ZFYVE28: variants seen among roughly 807,000 people sequenced by gnomAD.
ZFYVE28 encodes the protein lateral signaling target protein 2 homolog.
In ZFYVE28, 40 loss-of-function variants were observed where a neutral mutation model predicts 82.1. The ratio of observed to expected loss-of-function variants is 0.49; its 90% CI spans 0.38 to 0.63. The LOEUF is 0.63. Among genes scored for constraint, ZFYVE28 ranks in the 30% least tolerant of loss-of-function variants. The probability of loss-of-function intolerance (pLI) is 0.00; values close to 1 mark genes in which losing one functional copy is unlikely to be tolerated. For missense variants in ZFYVE28, 1,321 were observed against 1,242.1 expected, an observed-to-expected ratio of 1.06 and a Z score of -0.96; for synonymous variants, 612 against 546.1, an observed-to-expected ratio of 1.12 and a Z score of -1.68.
intron 7 of ZFYVE28, among the ~76,000 whole-genome samples, chr4:2,306,589 G>C (rs868079360): frequency 6.6e-6 from 1 of 152,010 alleles, no homozygotes; most frequent in Non-Finnish European, 1.5e-5. Context: ...TAAAATATAG[G>C]ACACCCAGTT....
In ZFYVE28 at chr4:2,332,076, T is replaced by C. The variant is rs964035704; in HGVS notation, c.701+3629A>G. On this transcript the variant is annotated intron_variant, in intron 6 of 12. Transcript: ENST00000290974. The surrounding 1 kb of genome is among the most constrained non-coding windows in gnomAD (Gnocchi z 4.7). ...TCATGCTTGGTAAATGTGGCATCAC[T>C]GTTCTGACACTGTGTGCTGGAGAAG... Among the ~76,000 whole-genome samples the C allele has an allele frequency of 1.3e-5, 2 of 152,154 alleles. No individual in the cohort carries two copies. The highest frequency in any genetic ancestry group is 2.9e-5 in the Non-Finnish European group (2 of 67,984).
chr4:2,412,438 C>T (rs1293820759), intron 1 of ZFYVE28, among the ~76,000 whole-genome samples: 2 of 152,138 alleles, frequency 1.3e-5, no homozygotes, highest in Non-Finnish European at 2.9e-5. Context: ...CCAACAATTC[C>T]AGAAGGCAGG....
At chr4:2,402,780 G>A (rs1015798921) in intron 1 of ZFYVE28, among the ~76,000 whole-genome samples, 6 of 152,192 alleles carry the variant, frequency 3.9e-5, no homozygotes, top group African/African-American at 1.4e-4. Context: ...ATACACCAGT[G>A]CTGGAATTTA....
chr4:2,361,287 C>T (rs1726112845), intron 1 of ZFYVE28, among the ~76,000 whole-genome samples: 1 of 151,728 alleles, frequency 6.6e-6, no homozygotes, highest in African/African-American at 2.4e-5. Context: ...TCAAAAAATA[C>T]AAGGATGGAC....
intron 6 of ZFYVE28, among the ~76,000 whole-genome samples, chr4:2,323,008 T>G (rs1300878339): frequency 1.3e-5 from 2 of 152,218 alleles, no homozygotes; most frequent in African/African-American, 4.8e-5. Flanking sequence ...CCATAAACAT[T>G]CGTGTAGAAG....
Position 2,341,672 on chromosome 4 carries a change from A to C in ZFYVE28, c.181-57T>G. The C allele has an allele frequency of 6.3e-7, 1 of 1,580,914 alleles. No homozygotes were observed. Among genetic ancestry groups the C allele is most frequent in the African/African-American group, 1.3e-5 (1 of 74,552 alleles). On this transcript the variant is annotated intron_variant, in intron 2 of 12. Transcript: ENST00000290974. This position sits in a 1 kb window ranked among gnomAD's most constrained non-coding sequence, Gnocchi z 4.5. ...TCGCTGTGTCCAGCTGGCGGCCGCC[A>C]TGTACTGCTGGAAAACACGCACGGT...
intron 8 of ZFYVE28, among the ~76,000 whole-genome samples, chr4:2,301,884 C>G (rs1715592808): frequency 6.6e-6 from 1 of 152,196 alleles, no homozygotes; most frequent in African/African-American, 2.4e-5. Context: ...AACGGCCTCA[C>G]CCAAAAGAAA....
At chr4:2,274,717 A>G (rs1241711276) in intron 8 of ZFYVE28, among the ~76,000 whole-genome samples, 1 of 152,222 alleles carries the variant, frequency 6.6e-6, no homozygotes, top group Non-Finnish European at 1.5e-5. Context: ...ATTGCCCTGA[A>G]TGATCCGGAC....
chr4:2,314,570 T>C (rs1031064429), intron 7 of ZFYVE28, among the ~76,000 whole-genome samples: 1 of 152,234 alleles, frequency 6.6e-6, no homozygotes, highest in Non-Finnish European at 1.5e-5. Flanking sequence ...ATTGTAATAG[T>C]GATCCTTGAC....
intron 10 of ZFYVE28, 105 bp from the exon 11 acceptor site, chr4:2,271,884 A>G (rs1240598358): frequency 2.3e-5 from 24 of 1,022,022 alleles, no homozygotes; most frequent in Non-Finnish European, 1.8e-5. Context: ...GCAGTCGGTC[A>G]GCTCCCCAAG....
At chr4:2,399,992 C>T (rs951928996) in intron 1 of ZFYVE28, among the ~76,000 whole-genome samples, 2 of 152,242 alleles carry the variant, frequency 1.3e-5, no homozygotes, top group Non-Finnish European at 2.9e-5. Flanking sequence ...GAAGTGCCGG[C>T]ACCACGCAGC....
chr4:2,296,844 C>T (rs1269387312), intron 8 of ZFYVE28, among the ~76,000 whole-genome samples: 1 of 152,296 alleles, frequency 6.6e-6, no homozygotes, highest in Non-Finnish European at 1.5e-5. Context: ...CCCCCGGATC[C>T]GGAGAGCCCC....
intron 4 of ZFYVE28, among the ~76,000 whole-genome samples, chr4:2,338,929 G>T (rs658434): frequency 3.3e-5 from 5 of 151,922 alleles, no homozygotes; most frequent in African/African-American, 1.2e-4. Flanking sequence ...GGTTCAAGCG[G>T]TTCTCTTGCC....
rs148804888 is a variant in ZFYVE28, at chr4:2,320,265, G to A, written c.708C>T (p.Leu236=). The change falls in exon 7 of 13, where the codon CTC becomes CTT. Residue 236 remains leucine (L), a synonymous_variant. Coordinates refer to ENST00000290974, the MANE Select transcript of ZFYVE28 (RefSeq NM_020972.3). The surrounding 1 kb of genome is among the most constrained non-coding windows in gnomAD (Gnocchi z 5.1). ...SIPRLAIVCG[L]VVYADGPLNL... Reference sequence around the variant, plus strand: ...TCAGAGGTCCGTCCGCATAGACCACGAGGCCACTGCATTTGAGACACAAAA... The same window carrying A: ...TCAGAGGTCCGTCCGCATAGACCACAAGGCCACTGCATTTGAGACACAAAA... The A allele has an allele frequency of 5.3e-5, 86 of 1,613,828 alleles. No homozygotes were observed. The highest frequency in any genetic ancestry group is 6.3e-5 in the Non-Finnish European group (74 of 1,179,934).
intron 8 of ZFYVE28, among the ~76,000 whole-genome samples, chr4:2,301,635 C>T (rs572513450): frequency 4.4e-5 from 6 of 134,884 alleles, no homozygotes; most frequent in African/African-American, 1.4e-4. Flanking sequence ...AGGGGGTGGG[C>T]GTCCACTGGC....
chr4:2,377,288 T>TG (rs1157447199), intron 1 of ZFYVE28, among the ~76,000 whole-genome samples: 1 of 141,358 alleles, frequency 7.1e-6, no homozygotes, highest in Non-Finnish European at 1.5e-5. Flanking sequence ...CCCAAAGTGC[T>TG]GGAATTACAG....
In ZFYVE28 at chr4:2,305,256, G is replaced by A. The variant is rs752091376; in HGVS notation, c.1084C>T (p.Pro362Ser). ...GCTGGGGACTGGCAGGCAATGGGCG[G>A]TGAAAGCAAAGAGGACATCTCGTCC... ...AGDEMSSLLSPPIACQSPAHR... is the reference protein window; with the variant it reads ...AGDEMSSLLSSPIACQSPAHR... The change falls in exon 8 of 13, where the codon CCG becomes TCG. Residue 362 changes from proline to serine, a missense_variant. Pro to Ser is a moderately conservative substitution (Grantham distance 74). Around this residue, in one of 2 missense-constraint regions of ZFYVE28, gnomAD observed 978 missense variants for 833.7 expected, o/e 1.17. Coordinates refer to ENST00000290974, the MANE Select transcript of ZFYVE28 (RefSeq NM_020972.3). The A allele has an allele frequency of 1.1e-5, 17 of 1,612,544 alleles. No individual in the cohort carries two copies. The Middle Eastern group carries it at 4.9e-4, about 47-fold the overall frequency.
At chr4:2,340,523 A>G (rs1306500283) in intron 3 of ZFYVE28, among the ~76,000 whole-genome samples, 1 of 152,234 alleles carries the variant, frequency 6.6e-6, no homozygotes, top group Non-Finnish European at 1.5e-5. Context: ...CCCAGGTGAC[A>G]GAATGAGACG....
intron 6 of ZFYVE28, chr4:2,324,452 A>G (rs1719576354): frequency 6.1e-6 from 1 of 162,990 alleles, no homozygotes; most frequent in African/African-American, 2.4e-5. Flanking sequence ...GGGTAGAATC[A>G]TCCATTCAGT....
Sources: allele counts gnomAD v4.1 joint callset (sites outside exome capture counted in the v4.1 genomes callset), GRCh38; gene constraint gnomAD v4.1.1; regional missense constraint gnomAD v4.1.1; non-coding constraint Gnocchi (gnomAD v3.1); transcripts MANE v1.5; gene names NCBI Gene and HGNC (gene_info 2026-07-23, HGNC 2026-07-21).